Variants in OXR1 observed in about 807,000 individuals in gnomAD.
The protein encoded by OXR1 is oxidation resistance protein 1.
Under a neutral mutation model 104.6 loss-of-function variants are expected in OXR1, and 41 were observed. The ratio of observed to expected loss-of-function variants is 0.39; its 90% CI spans 0.31 to 0.51. OXR1 has a LOEUF of 0.51. OXR1 is among the 20% of genes least tolerant of loss of function. The probability of loss-of-function intolerance (pLI) is 0.77; values close to 1 mark genes in which losing one functional copy is unlikely to be tolerated. For missense variants in OXR1, 955 were observed against 1,031.9 expected, an observed-to-expected ratio of 0.93 and a Z score of 1.02; for synonymous variants, 348 against 348.4, an observed-to-expected ratio of 1.00 and a Z score of 0.01.
At chr8:106,339,850 G>T (rs6469060) in intron 1 of OXR1, among the ~76,000 whole-genome samples, 2 of 151,700 alleles carry the variant, frequency 1.3e-5, no homozygotes, top group Non-Finnish European at 2.9e-5. Context: ...AGGCAGAGAC[G>T]TTTAGCTTTT....
chr8:106,596,562 A>G (rs1052942265), intron 3 of OXR1, among the ~76,000 whole-genome samples: 1 of 152,214 alleles, frequency 6.6e-6, no homozygotes, highest in African/African-American at 2.4e-5. Flanking sequence ...GAAGAAGTAA[A>G]ATTGAAGCAG....
chr8:106,666,851 A>G (rs552614635), intron 3 of OXR1, among the ~76,000 whole-genome samples: 58 of 152,184 alleles, frequency 3.8e-4, no homozygotes, highest in Non-Finnish European at 7.6e-4. Context: ...TCGGTTTTAT[A>G]AGGAAGTGAA....
At chr8:106,598,285 C>G (rs1819678570) in intron 3 of OXR1, among the ~76,000 whole-genome samples, 1 of 152,144 alleles carries the variant, frequency 6.6e-6, no homozygotes, top group Non-Finnish European at 1.5e-5. Context: ...CACATGGCTT[C>G]TCTGAAAGTT....
rs144607017 is a variant in OXR1 at position 106,536,226 on chromosome 8, AAAAGAAAG to A, written c.220+17111_220+17118del. Reference sequence around the variant, plus strand: ...CAGAGCAAGACTCTGTCTCAAAAAAAAAAGAAAGAAAGAAAGAAAGAAAGAAAGAAAAC... The same window carrying A: ...CAGAGCAAGACTCTGTCTCAAAAAAAAAAGAAAGAAAGAAAGAAAGAAAAC... On this transcript the variant is annotated intron_variant, in intron 3 of 16. Coordinates refer to ENST00000517566, the MANE Select transcript of OXR1 (RefSeq NM_001198533.2). Among the ~76,000 whole-genome samples, 298 of 145,144 alleles carry A rather than the reference AAAAGAAAG, an allele frequency of 2.1e-3. 1 individual carries two copies. Among genetic ancestry groups the A allele is most frequent in the South Asian group, 0.014 (63 of 4,484 alleles).
chr8:106,473,852 CTT>C (rs530411207), intron 2 of OXR1, among the ~76,000 whole-genome samples: 4 of 142,570 alleles, frequency 2.8e-5, no homozygotes, highest in Admixed American at 7.1e-5. Flanking sequence ...GTCTATTCCT[CTT>C]TTTTTTTTTG....
At chr8:106,288,516 G>GTA (rs1342861561) in intron 1 of OXR1, among the ~76,000 whole-genome samples, 43 of 123,262 alleles carry the variant, frequency 3.5e-4, no homozygotes, top group African/African-American at 1.5e-3. Flanking sequence ...ATATGTGTGT[G>GTA]TATATATATA....
At chr8:106,656,163 G>C (rs1825054648) in intron 3 of OXR1, 1 of 152,184 alleles carries the variant, frequency 6.6e-6, no homozygotes, top group Admixed American at 6.5e-5. Context: ...AGTCTTCCTT[G>C]TCAAATGGAA....
At chr8:106,562,830 A>G (rs957895955) in intron 3 of OXR1, among the ~76,000 whole-genome samples, 3 of 152,200 alleles carry the variant, frequency 2.0e-5, no homozygotes, top group Admixed American at 1.3e-4. Context: ...ATTCTTAAAG[A>G]AAAGAATTTT....
At chr8:106,295,497 A>G (rs1812957431) in intron 1 of OXR1, among the ~76,000 whole-genome samples, 1 of 152,162 alleles carries the variant, frequency 6.6e-6, no homozygotes, top group Non-Finnish European at 1.5e-5. Flanking sequence ...ACGACTCATT[A>G]TATGCATAAC....
chr8:106,351,141 G>A (rs1815708960), intron 1 of OXR1, among the ~76,000 whole-genome samples: 1 of 152,256 alleles, frequency 6.6e-6, no homozygotes, highest in Middle Eastern at 3.4e-3. Context: ...GTTCAAAATT[G>A]TATAGAACTT....
At chr8:106,302,762 G>GT (rs893328489) in intron 1 of OXR1, among the ~76,000 whole-genome samples, 2 of 151,726 alleles carry the variant, frequency 1.3e-5, no homozygotes, top group African/African-American at 4.8e-5. Context: ...TTGTTTGTTT[G>GT]TTTTTTTGAG....
chr8:106,329,747 A>G (rs903669956), intron 1 of OXR1, among the ~76,000 whole-genome samples: 1 of 152,164 alleles, frequency 6.6e-6, no homozygotes, highest in Non-Finnish European at 1.5e-5. Context: ...GTCACATGAC[A>G]GTCTCACATC....
chr8:106,320,591 G>A (rs1814172494), intron 1 of OXR1, among the ~76,000 whole-genome samples: 1 of 151,834 alleles, frequency 6.6e-6, no homozygotes, highest in African/African-American at 2.4e-5. Flanking sequence ...TAATTTATTG[G>A]TGATTAAGTA....
chr8:106,373,074 A>T (rs184383704), intron 2 of OXR1, among the ~76,000 whole-genome samples: 1 of 152,324 alleles, frequency 6.6e-6, no homozygotes, highest in African/African-American at 2.4e-5. Context: ...ACATGAATGA[A>T]GTAATGTGTA....
At chr8:106,453,290 A>T (rs1281393419) in intron 2 of OXR1, among the ~76,000 whole-genome samples, 6 of 152,182 alleles carry the variant, frequency 3.9e-5, no homozygotes, top group Non-Finnish European at 8.8e-5. Flanking sequence ...TGGGCTTAGC[A>T]TGGTGCCTTG....
chr8:106,684,499 C>A (rs1243558202), intron 6 of OXR1, 140 bp downstream of exon 6: 3 of 582,822 alleles, frequency 5.1e-6, no homozygotes, highest in East Asian at 5.4e-5. Flanking sequence ...GTTTGTAAAT[C>A]CCAGCTTTAA....
chr8:106,551,887 TGTGTG>T (rs1815863652), intron 3 of OXR1, among the ~76,000 whole-genome samples: 1 of 147,978 alleles, frequency 6.8e-6, no homozygotes, highest in Non-Finnish European at 1.5e-5. Flanking sequence ...TGTGTGTGTG[TGTGTG>T]TGTGTGTGTA....
At chr8:106,488,027 A>G (rs1055917696) in intron 2 of OXR1, among the ~76,000 whole-genome samples, 2 of 147,454 alleles carry the variant, frequency 1.4e-5, no homozygotes, top group African/African-American at 5.1e-5. Flanking sequence ...GAACTAGTTT[A>G]CAGTCCCACC....
At chr8:106,447,480 A>G (rs768530921) in intron 2 of OXR1, among the ~76,000 whole-genome samples, 3 of 152,146 alleles carry the variant, frequency 2.0e-5, no homozygotes, top group Non-Finnish European at 2.9e-5. Context: ...GTAATTTTCT[A>G]TTGTTTATTC....
Sources: allele counts gnomAD v4.1 joint callset (sites outside exome capture counted in the v4.1 genomes callset), GRCh38; gene constraint gnomAD v4.1.1; transcripts MANE v1.5; gene names NCBI Gene and HGNC (gene_info 2026-07-23, HGNC 2026-07-21).